The following CNTNAP5 variants were observed in gnomAD, a reference collection of about 807,000 sequenced individuals.
The protein encoded by CNTNAP5 is contactin-associated protein-like 5.
CNTNAP5 carries 72 observed loss-of-function variants against 150.2 expected under a neutral mutation model. The observed-to-expected ratio is 0.48, with a 90% CI of 0.40 to 0.58. The LOEUF is 0.58. Ranked by LOEUF, CNTNAP5 falls within the 20% of genes least tolerant of loss-of-function variation. CNTNAP5 has a pLI of 0.00. For synonymous variants in CNTNAP5, 672 were observed against 619.8 expected (o/e 1.08, Z -1.25); for missense variants, 1,636 against 1,626.2 (o/e 1.01, Z -0.10).
At chr2:124,346,919 A>AAAAC (rs1186578533) in intron 3 of CNTNAP5, among the ~76,000 whole-genome samples, 1 of 149,012 alleles carries the variant, frequency 6.7e-6, no homozygotes, top group East Asian at 2.0e-4. Context: ...AAAAATACAA[A>AAAAC]AAAAAAAAAA....
At chr2:124,474,951 C>T in intron 7 of CNTNAP5, 69 bp downstream of exon 7, 1 of 1,386,988 alleles carries the variant, frequency 7.2e-7, no homozygotes, top group Non-Finnish European at 9.9e-7. Context: ...TTTCACCAGC[C>T]CATTCCTGAA....
chr2:124,567,362 T>C (rs1696047986), intron 11 of CNTNAP5, among the ~76,000 whole-genome samples: 1 of 152,208 alleles, frequency 6.6e-6, no homozygotes, highest in African/African-American at 2.4e-5. Context: ...TATGCTAATT[T>C]GGTCACTTTT....
intron 1 of CNTNAP5, among the ~76,000 whole-genome samples, chr2:124,197,024 C>G (rs1023612794): frequency 1.3e-5 from 2 of 152,212 alleles, no homozygotes; most frequent in African/African-American, 4.8e-5. Flanking sequence ...CATCATACCT[C>G]AATCTTTCAT....
intron 3 of CNTNAP5, among the ~76,000 whole-genome samples, chr2:124,349,226 C>A (rs1006966311): frequency 6.6e-6 from 1 of 152,262 alleles, no homozygotes. Context: ...CTAGGCTGTA[C>A]GATGTAGCCT....
At chr2:124,634,352 C>T (rs1351175850) in intron 12 of CNTNAP5, among the ~76,000 whole-genome samples, 1 of 152,186 alleles carries the variant, frequency 6.6e-6, no homozygotes, top group Non-Finnish European at 1.5e-5. Context: ...TAAATCATCA[C>T]TCTCAAATTC....
At chr2:124,376,546 C>T (rs1197311492) in intron 3 of CNTNAP5, among the ~76,000 whole-genome samples, 3 of 151,872 alleles carry the variant, frequency 2.0e-5, no homozygotes, top group African/African-American at 7.2e-5. Context: ...GGATGCTTGA[C>T]ATTACTATAT....
chr2:124,626,241 C>T (rs1333479372), intron 12 of CNTNAP5, among the ~76,000 whole-genome samples: 1 of 152,230 alleles, frequency 6.6e-6, no homozygotes, highest in African/African-American at 2.4e-5. Flanking sequence ...TGTTAGTCCA[C>T]TCTCACATTG....
At chr2:124,040,593 G>A (rs1681342630) in intron 1 of CNTNAP5, among the ~76,000 whole-genome samples, 1 of 148,230 alleles carries the variant, frequency 6.7e-6, no homozygotes, top group East Asian at 2.0e-4. Context: ...CTGTGTGCCT[G>A]TGTGTGCCTG....
chr2:124,642,663 T>C (rs1678118205), intron 12 of CNTNAP5, among the ~76,000 whole-genome samples: 1 of 152,192 alleles, frequency 6.6e-6, no homozygotes, highest in Admixed American at 6.5e-5. Context: ...ACAGAGTATT[T>C]ATAACAGCCT....
chr2:124,891,426 A>G (rs910526719), intron 21 of CNTNAP5, among the ~76,000 whole-genome samples: 3 of 152,156 alleles, frequency 2.0e-5, no homozygotes, highest in African/African-American at 7.2e-5. Flanking sequence ...ATTCAAGAGG[A>G]AGGGAAATAG....
At chr2:124,341,062 G>A (rs1313359418) in intron 3 of CNTNAP5, among the ~76,000 whole-genome samples, 3 of 151,454 alleles carry the variant, frequency 2.0e-5, no homozygotes, top group Non-Finnish European at 4.4e-5. Context: ...TAGGTGACAC[G>A]GTGAGACCCT....
intron 15 of CNTNAP5, 23 bp from the exon 16 acceptor site, chr2:124,763,954 T>C (rs202194494): frequency 2.5e-6 from 4 of 1,607,508 alleles, no homozygotes; most frequent in Non-Finnish European, 3.4e-6. Flanking sequence ...ATAAACCATG[T>C]TGAAGGATTT....
intron 10 of CNTNAP5, among the ~76,000 whole-genome samples, chr2:124,563,001 C>A (rs1007022442): frequency 1.3e-5 from 2 of 152,214 alleles, no homozygotes; most frequent in Non-Finnish European, 2.9e-5. Flanking sequence ...AGCTTTGCGA[C>A]TTTCATTGCG....
chr2:124,729,901 C>T (rs928706338), intron 13 of CNTNAP5, among the ~76,000 whole-genome samples: 6 of 151,966 alleles, frequency 3.9e-5, no homozygotes, highest in Non-Finnish European at 7.4e-5. Context: ...AGAGAGCAGC[C>T]AACAATGCAT....
chr2:124,333,272 A>C (rs1450773648), intron 3 of CNTNAP5, among the ~76,000 whole-genome samples: 5 of 152,178 alleles, frequency 3.3e-5, no homozygotes, highest in Non-Finnish European at 5.9e-5. Context: ...CTGTCTTGAA[A>C]ACCAAACAAA....
chr2:124,433,340 T>C (rs1692439172), intron 4 of CNTNAP5, among the ~76,000 whole-genome samples: 1 of 152,254 alleles, frequency 6.6e-6, no homozygotes, highest in Non-Finnish European at 1.5e-5. Context: ...TAGGACACTT[T>C]GTTCCGTATA....
intron 19 of CNTNAP5, among the ~76,000 whole-genome samples, chr2:124,860,147 C>T (rs546360341): frequency 8.9e-4 from 127 of 142,930 alleles, no homozygotes; most frequent in Non-Finnish European, 1.6e-3. Flanking sequence ...GTCAGGAGAT[C>T]GAGACCATCC....
At chr2:124,419,362 T>G (rs1201485248) in intron 4 of CNTNAP5, among the ~76,000 whole-genome samples, 2 of 152,092 alleles carry the variant, frequency 1.3e-5, no homozygotes, top group East Asian at 3.9e-4. Context: ...CAGCATCGAG[T>G]TAAATCACAG....
intron 8 of CNTNAP5, among the ~76,000 whole-genome samples, chr2:124,517,110 G>T (rs1694736229): frequency 6.6e-6 from 1 of 152,122 alleles, no homozygotes; most frequent in Non-Finnish European, 1.5e-5. Flanking sequence ...GATGATGGAA[G>T]GTTGTGGTAT....
Sources: allele counts gnomAD v4.1 joint callset (sites outside exome capture counted in the v4.1 genomes callset), GRCh38; gene constraint gnomAD v4.1.1; transcripts MANE v1.5; gene names NCBI Gene and HGNC (gene_info 2026-07-23, HGNC 2026-07-21).